The following SPATA13 variants were observed in gnomAD, a reference collection of about 807,000 sequenced individuals.
SPATA13 encodes spermatogenesis-associated protein 13.
SPATA13 carries 50 observed loss-of-function variants against 104.0 expected under a neutral mutation model. That is an observed-to-expected ratio of 0.48 (90% CI 0.38 to 0.61). SPATA13 has a LOEUF of 0.61. Among genes scored for constraint, SPATA13 ranks in the 20% least tolerant of loss-of-function variants. SPATA13 has a pLI of 0.00. For missense variants in SPATA13, 1,524 were observed against 1,690.6 expected (o/e 0.90, Z 1.73); for synonymous variants, 606 against 667.5 (o/e 0.91, Z 1.42).
intron 9 of SPATA13, 116 bp from the exon 10 acceptor site, chr13:24,294,623 A>G (rs1876623397): frequency 2.6e-6 from 3 of 1,166,884 alleles, no homozygotes; most frequent in Non-Finnish European, 1.2e-6. Context: ...CTAATGACGT[A>G]AATGTCACTT....
chr13:24,273,797 C>T (rs1008147601), intron 4 of SPATA13, among the ~76,000 whole-genome samples: 1 of 152,158 alleles, frequency 6.6e-6, no homozygotes, highest in Admixed American at 6.5e-5. Context: ...GTCATGGAAC[C>T]GTCACCAAGC....
At chr13:24,130,715 A>C (rs986944735) in intron 3 of SPATA13, among the ~76,000 whole-genome samples, 1 of 152,234 alleles carries the variant, frequency 6.6e-6, no homozygotes, top group South Asian at 2.1e-4. Flanking sequence ...CACAGACCAC[A>C]TGTGAAGAAG....
chr13:24,234,653 G>A (rs539919368), intron 2 of SPATA13, among the ~76,000 whole-genome samples: 14 of 152,282 alleles, frequency 9.2e-5, no homozygotes, highest in African/African-American at 3.1e-4. Context: ...GACAGTCTGG[G>A]GACAAAACCA....
At chr13:24,207,249 G>T (rs901677175) in intron 1 of SPATA13, among the ~76,000 whole-genome samples, 4 of 152,192 alleles carry the variant, frequency 2.6e-5, no homozygotes, top group African/African-American at 9.7e-5. Context: ...GACAGCATTA[G>T]AAAGAATATC....
chr13:24,106,719 G>A (rs1880466782), intron 3 of SPATA13, among the ~76,000 whole-genome samples: 1 of 152,194 alleles, frequency 6.6e-6, no homozygotes, highest in Non-Finnish European at 1.5e-5. Flanking sequence ...CAAGTTCAAG[G>A]TGAGGGCCAT....
intron 7 of SPATA13, 122 bp downstream of exon 7, chr13:24,287,072 T>TC: frequency 2.5e-6 from 2 of 796,308 alleles, no homozygotes; most frequent in Non-Finnish European, 3.9e-6. Context: ...TGCTCATTTC[T>TC]CCGCCTCTGC....
In SPATA13 at chr13:24,127,117, A is replaced by G. The variant is rs538140161; in HGVS notation, c.-111-95702A>G. 3.9e-5 allele frequency among the ~76,000 whole-genome samples: 6 copies of G among 152,276 alleles called. No homozygotes were observed. In the South Asian group the frequency reaches 1.2e-3, roughly 32 times the overall value. On this transcript the variant is annotated intron_variant, in intron 3 of 14. Coordinates refer to the SPATA13 transcript ENST00000424834. ...GGAGAATACCAGTGTTGAGGTAGAAATGCCAGTCAATCCTGGCAGGAAGGG... is the reference window on the plus strand; with the variant it reads ...GGAGAATACCAGTGTTGAGGTAGAAGTGCCAGTCAATCCTGGCAGGAAGGG...
intron 2 of SPATA13, among the ~76,000 whole-genome samples, chr13:24,002,552 A>C (rs1876027302): frequency 6.6e-6 from 1 of 152,088 alleles, no homozygotes; most frequent in African/African-American, 2.4e-5. Flanking sequence ...AGGCCTGGTC[A>C]GGGGGGTGAG....
Position 24,219,620 on chromosome 13 carries a change from A to G in SPATA13, c.-111-3199A>G, listed in dbSNP as rs147285765. 5.8e-4 allele frequency among the ~76,000 whole-genome samples: 89 copies of G among 152,366 alleles called. 2 individuals are homozygous for G. Among genetic ancestry groups the G allele is most frequent in the African/African-American group, 1.9e-3 (81 of 41,578 alleles). ...CACAGTCTTGTTTGAAGGCAGCCAT[A>G]TAAAGCTATCATTATAATCCATTTT... On this transcript the variant is annotated intron_variant, in intron 1 of 12. Coordinates refer to ENST00000382108, the MANE Select transcript of SPATA13 (RefSeq NM_001166271.3).
intron 3 of SPATA13, among the ~76,000 whole-genome samples, chr13:24,151,226 C>T (rs540369046): frequency 7.9e-5 from 12 of 152,182 alleles, no homozygotes; most frequent in Admixed American, 2.6e-4. Flanking sequence ...TGTGGGCATG[C>T]GTCCTTCAGC....
At chr13:24,208,294 G>A (rs1178052945) in intron 1 of SPATA13, among the ~76,000 whole-genome samples, 1 of 152,174 alleles carries the variant, frequency 6.6e-6, no homozygotes, top group Non-Finnish European at 1.5e-5. Context: ...TTGCCAAAAA[G>A]GCTGATAATA....
intron 3 of SPATA13, among the ~76,000 whole-genome samples, chr13:24,103,484 C>CAA (rs34983901): frequency 0.064 from 4,425 of 69,622 alleles, 258 homozygotes; most frequent in Non-Finnish European, 0.064. Flanking sequence ...GACCCTGTCT[C>CAA]AAAAAAAAAA....
upstream of SPATA13, among the ~76,000 whole-genome samples, chr13:24,159,617 G>A (rs907727611): frequency 6.6e-6 from 1 of 152,150 alleles, no homozygotes; most frequent in African/African-American, 2.4e-5. Flanking sequence ...ACTTACAGGA[G>A]GCTCACGCCG....
chr13:24,134,925 T>C (rs936730951), intron 3 of SPATA13, among the ~76,000 whole-genome samples: 1 of 152,152 alleles, frequency 6.6e-6, no homozygotes, highest in East Asian at 1.9e-4. Context: ...TAAGGCGGGC[T>C]CCAATCCAAC....
chr13:24,024,609 G>T (rs907649092), intron 3 of SPATA13, among the ~76,000 whole-genome samples: 20 of 151,276 alleles, frequency 1.3e-4, no homozygotes, highest in Middle Eastern at 6.8e-3. Context: ...TGCTGATCCC[G>T]CTATGATGCA....
intron 2 of SPATA13, among the ~76,000 whole-genome samples, chr13:24,008,255 G>A (rs1292846726): frequency 6.6e-6 from 1 of 152,238 alleles, no homozygotes; most frequent in East Asian, 1.9e-4. Context: ...AATTTCAGGA[G>A]AAAATGCACC....
chr13:24,094,689 T>G (rs1880014900), intron 3 of SPATA13, among the ~76,000 whole-genome samples: 1 of 151,892 alleles, frequency 6.6e-6, no homozygotes, highest in Non-Finnish European at 1.5e-5. Flanking sequence ...AGCCCAGGAG[T>G]TTGAGGTTAC....
rs532474072 is a variant in SPATA13 at position 24,059,343 on chromosome 13, G to C, written c.-112+41642G>C. Among the ~76,000 whole-genome samples the C allele has an allele frequency of 2.4e-4, 36 of 150,342 alleles. No homozygotes were observed. The East Asian group carries it at 3.0e-3, about 12-fold the overall frequency. The stretch of plus-strand genomic sequence containing the variant: ...CTTGGTGAATGTCACAAAAAAAAAA[G>C]GCTTGTCTTTGATCTCTCAGAAGAT... On this transcript the variant is annotated intron_variant, in intron 3 of 14. Coordinates refer to the SPATA13 transcript ENST00000424834.
At chr13:24,055,086 C>T (rs1347468759) in intron 3 of SPATA13, among the ~76,000 whole-genome samples, 3 of 152,244 alleles carry the variant, frequency 2.0e-5, no homozygotes, top group Admixed American at 6.5e-5. Flanking sequence ...AGCAAGCCTA[C>T]AGCCTCCAGC....
Sources: allele counts gnomAD v4.1 joint callset (sites outside exome capture counted in the v4.1 genomes callset), GRCh38; gene constraint gnomAD v4.1.1; transcripts MANE v1.5; gene names NCBI Gene and HGNC (gene_info 2026-07-23, HGNC 2026-07-21).